CDC42BPA: variants seen among roughly 807,000 people sequenced by gnomAD.
CDC42BPA encodes serine/threonine-protein kinase MRCK alpha.
CDC42BPA carries 80 observed loss-of-function variants against 223.5 expected under a neutral mutation model. The ratio of observed to expected loss-of-function variants is 0.36; its 90% CI spans 0.30 to 0.43. CDC42BPA has a LOEUF of 0.43. Ranked by LOEUF, CDC42BPA falls within the 20% of genes least tolerant of loss-of-function variation. The pLI is 1.00. For synonymous variants in CDC42BPA, 694 were observed against 718.6 expected (o/e 0.97, Z 0.55); for missense variants, 1,743 against 2,099.9 (o/e 0.83, Z 3.32).
At chr1:227,198,566 C>T (rs1671166856) in intron 4 of CDC42BPA, among the ~76,000 whole-genome samples, 1 of 151,428 alleles carries the variant, frequency 6.6e-6, no homozygotes, top group Admixed American at 6.6e-5. Context: ...ACTCTATAAG[C>T]ATGTAAGGGA....
At chr1:227,268,405 T>C (rs1685365525) in intron 1 of CDC42BPA, among the ~76,000 whole-genome samples, 1 of 151,950 alleles carries the variant, frequency 6.6e-6, no homozygotes, top group Non-Finnish European at 1.5e-5. Flanking sequence ...TACTATAATT[T>C]ATTAGTTTTG....
rs1357715500 is a variant in CDC42BPA at position 227,133,128 on chromosome 1, G to A, written c.1391-3897C>T. On this transcript the variant is annotated intron_variant, in intron 10 of 36. Coordinates refer to ENST00000366766, the MANE Select transcript of CDC42BPA (RefSeq NM_001394014.1). ...GCCCGGCCAGCCGCCCTGTCCGGGA[G>A]GCGAGGGGCACCTCTGCCCGGCCAC... Among the ~76,000 whole-genome samples, 2 of 150,084 alleles carry A rather than the reference G, an allele frequency of 1.3e-5. 1 individual carries two copies. The highest frequency in any genetic ancestry group is 3.0e-5 in the Non-Finnish European group (2 of 67,350).
intron 6 of CDC42BPA, among the ~76,000 whole-genome samples, chr1:227,159,822 A>G (rs1663535958): frequency 6.6e-6 from 1 of 151,946 alleles, no homozygotes; most frequent in African/African-American, 2.4e-5. Flanking sequence ...CACCATGCCC[A>G]GCCTTTTTTT....
At chr1:227,312,979 T>C (rs1693785677) in intron 1 of CDC42BPA, among the ~76,000 whole-genome samples, 1 of 152,172 alleles carries the variant, frequency 6.6e-6, no homozygotes, top group Admixed American at 6.5e-5. Flanking sequence ...TGCGGAACTG[T>C]GAGCCAATCA....
intron 30 of CDC42BPA, among the ~76,000 whole-genome samples, chr1:227,027,647 T>C (rs1241550123): frequency 2.0e-5 from 3 of 152,214 alleles, no homozygotes; most frequent in Admixed American, 1.3e-4. Flanking sequence ...TCTGCTATCA[T>C]AGCACTTACA....
At chr1:227,271,095 G>A (rs1258021093) in intron 1 of CDC42BPA, among the ~76,000 whole-genome samples, 7 of 152,144 alleles carry the variant, frequency 4.6e-5, no homozygotes, top group African/African-American at 9.7e-5. Flanking sequence ...TTAAAAATGG[G>A]TTTTTAATTA....
chr1:227,188,493 T>C (rs1275705009), intron 5 of CDC42BPA, among the ~76,000 whole-genome samples: 1 of 151,802 alleles, frequency 6.6e-6, no homozygotes, highest in Non-Finnish European at 1.5e-5. Context: ...TGTCCTTAAG[T>C]AGGTAAATGG....
chr1:227,023,385 T>C, intron 31 of CDC42BPA, 38 bp from the exon 32 acceptor site: 1 of 1,114,200 alleles, frequency 9.0e-7, no homozygotes, highest in Non-Finnish European at 1.3e-6. Context: ...CAACAAAACC[T>C]TTAAAAATTA....
chr1:226,997,090 C>CT (rs1205891604), intron 35 of CDC42BPA, among the ~76,000 whole-genome samples: 3 of 152,084 alleles, frequency 2.0e-5, no homozygotes, highest in South Asian at 2.1e-4. Context: ...CTGGTCCTGC[C>CT]TTTTTTTAGC....
intron 35 of CDC42BPA, among the ~76,000 whole-genome samples, chr1:226,998,468 T>TA (rs778156889): frequency 1.3e-5 from 2 of 151,922 alleles, no homozygotes; most frequent in East Asian, 3.9e-4. Context: ...TGGAACACAA[T>TA]AGAGGCCTCA....
chr1:227,244,985 G>A (rs1680660088), intron 2 of CDC42BPA, among the ~76,000 whole-genome samples: 3 of 152,222 alleles, frequency 2.0e-5, no homozygotes. Flanking sequence ...CTAGCCAAAG[G>A]GGAGTCACCC....
intron 5 of CDC42BPA, among the ~76,000 whole-genome samples, chr1:227,164,512 T>A (rs982494656): frequency 1.8e-4 from 27 of 151,926 alleles, no homozygotes; most frequent in African/African-American, 6.1e-4. Context: ...TAAAAAAAAA[T>A]ATTAAATCTT....
intron 1 of CDC42BPA, among the ~76,000 whole-genome samples, chr1:227,256,600 C>T (rs1295371130): frequency 1.3e-5 from 2 of 151,990 alleles, no homozygotes; most frequent in African/African-American, 4.8e-5. Flanking sequence ...CACTTCACAA[C>T]CTCTACAATA....
intron 1 of CDC42BPA, among the ~76,000 whole-genome samples, chr1:227,264,234 G>C (rs1225043502): frequency 6.6e-6 from 1 of 152,188 alleles, no homozygotes; most frequent in African/African-American, 2.4e-5. Flanking sequence ...TTTTGGTCAA[G>C]TTAGTAGTAG....
At chr1:227,314,743 AAT>A (rs1281404266) in intron 1 of CDC42BPA, among the ~76,000 whole-genome samples, 2 of 141,738 alleles carry the variant, frequency 1.4e-5, no homozygotes, top group Admixed American at 6.8e-5. Flanking sequence ...TCCTGTTGCA[AAT>A]AGTCTTTTAA....
Position 227,002,552 on chromosome 1 carries a change from C to T in CDC42BPA, c.4975+2442G>A, listed in dbSNP as rs1366116098. ...CACTCGTATGTAGTCCCTTCCCACACAGTACCAGGGCTGGTCTGTGTGATC... is the reference window on the plus strand; with the variant it reads ...CACTCGTATGTAGTCCCTTCCCACATAGTACCAGGGCTGGTCTGTGTGATC... On this transcript the variant is annotated intron_variant, in intron 35 of 36. Coordinates refer to ENST00000366766, the MANE Select transcript of CDC42BPA (RefSeq NM_001394014.1). 2.0e-5 allele frequency among the ~76,000 whole-genome samples: 3 copies of T among 152,236 alleles called. No homozygotes were observed. In the East Asian group the frequency reaches 5.8e-4, roughly 29 times the overall value.
intron 24 of CDC42BPA, among the ~76,000 whole-genome samples, chr1:227,037,306 A>C (rs182853440): frequency 1.6e-4 from 25 of 152,282 alleles, no homozygotes; most frequent in Admixed American, 1.4e-3. Flanking sequence ...GCCTTCCCTT[A>C]ACTATGTAAG....
intron 35 of CDC42BPA, among the ~76,000 whole-genome samples, chr1:226,996,115 G>C (rs528772727): frequency 6.6e-6 from 1 of 152,108 alleles, no homozygotes; most frequent in African/African-American, 2.4e-5. Flanking sequence ...GCTTCTTTGC[G>C]AAGCCCCTGG....
At chr1:227,039,870 G>A (rs1054952002) in intron 24 of CDC42BPA, among the ~76,000 whole-genome samples, 1 of 47,586 alleles carries the variant, frequency 2.1e-5, no homozygotes, top group African/African-American at 7.9e-5. Context: ...ATTTTCTTCT[G>A]TCAGGTTAAT....
Sources: gnomAD v4.1 joint callset for allele counts (sites outside exome capture counted in the v4.1 genomes callset) on GRCh38, gnomAD v4.1.1 for gene constraint, MANE v1.5 for transcripts, NCBI Gene and HGNC (gene_info 2026-07-23, HGNC 2026-07-21) for gene names.